CASP8: variants seen among roughly 807,000 people sequenced by gnomAD.
The protein encoded by CASP8 is caspase-8.
In CASP8, 24 loss-of-function variants were observed where a neutral mutation model predicts 46.3. The observed-to-expected ratio is 0.52, with a 90% CI of 0.38 to 0.73. The LOEUF is 0.73. Ranked by LOEUF, CASP8 falls within the 30% of genes least tolerant of loss-of-function variation. The pLI is 0.00. For synonymous variants in CASP8, 188 were observed against 200.4 expected, an observed-to-expected ratio of 0.94 and a Z score of 0.52; for missense variants, 460 against 559.0, an observed-to-expected ratio of 0.82 and a Z score of 1.79.
At chr2:201,257,764 AG>A (rs1947096096), upstream of CASP8, among the ~76,000 whole-genome samples, 1 of 152,132 alleles carries the variant, frequency 6.6e-6, no homozygotes, top group African/African-American at 2.4e-5. Context: ...GAGGGAGGAG[AG>A]GGCTGGTCTG....
chr2:201,244,168 A>T (rs1485561220), intron 2 of CASP8, among the ~76,000 whole-genome samples: 1 of 152,236 alleles, frequency 6.6e-6, no homozygotes, highest in Non-Finnish European at 1.5e-5. Context: ...GATCAAGATC[A>T]CTTCCAGCAT....
At chr2:201,267,793 T>C (rs1171348050) in intron 2 of CASP8, among the ~76,000 whole-genome samples, 1 of 152,216 alleles carries the variant, frequency 6.6e-6, no homozygotes, top group Non-Finnish European at 1.5e-5. Context: ...TGTTGATAAC[T>C]ATGGCATGTG....
chr2:201,262,533 T>C (rs1016983109), intron 1 of CASP8, among the ~76,000 whole-genome samples: 2 of 152,094 alleles, frequency 1.3e-5, no homozygotes, highest in African/African-American at 4.8e-5. Context: ...ATATGTTATA[T>C]ATACATGTGG....
At chr2:201,265,041 C>G (rs1430963378) in intron 1 of CASP8, among the ~76,000 whole-genome samples, 1 of 152,026 alleles carries the variant, frequency 6.6e-6, no homozygotes, top group Non-Finnish European at 1.5e-5. Flanking sequence ...CACAAAAAAA[C>G]CACTGCTGCT....
chr2:201,258,311 C>CT, upstream of CASP8: 2 of 1,614,144 alleles, frequency 1.2e-6, no homozygotes, highest in Non-Finnish European at 1.7e-6. Flanking sequence ...ACCCCCTTCC[C>CT]TGCTGAGCAC....
At chr2:201,269,471 G>T (rs1462879300) in intron 2 of CASP8, 3 of 1,435,394 alleles carry the variant, frequency 2.1e-6, no homozygotes, top group Non-Finnish European at 2.9e-6. Flanking sequence ...AAAGCCGAGG[G>T]GGGTCTCATC....
chr2:201,258,196 C>T, upstream of CASP8: 1 of 1,604,888 alleles, frequency 6.2e-7, no homozygotes, highest in Non-Finnish European at 8.5e-7. Context: ...TCAAGCCCTG[C>T]TGAATTTGCT....
upstream of CASP8, among the ~76,000 whole-genome samples, chr2:201,257,770 G>A (rs1350183947): frequency 2.0e-5 from 3 of 152,158 alleles, no homozygotes; most frequent in East Asian, 5.8e-4. Context: ...GGAGAGGGCT[G>A]GTCTGTGACT....
At chr2:201,271,369 T>C (rs1411852782) in intron 2 of CASP8, 147 bp from the exon 3 acceptor site, 5 of 692,828 alleles carry the variant, frequency 7.2e-6, no homozygotes. Context: ...CACCAGCCTC[T>C]TTCCAAGGGC....
chr2:201,257,272 A>G (rs1947065257), upstream of CASP8, among the ~76,000 whole-genome samples: 1 of 151,758 alleles, frequency 6.6e-6, no homozygotes, highest in Non-Finnish European at 1.5e-5. Context: ...TCTTGAGGTC[A>G]GGAGTTCAAG....
chr2:201,281,623 T>C (rs1949015366), intron 7 of CASP8, among the ~76,000 whole-genome samples: 1 of 151,756 alleles, frequency 6.6e-6, no homozygotes, highest in Admixed American at 6.6e-5. Context: ...TATTTTGCTA[T>C]ACATAAATAA....
chr2:201,269,455 A>G lies in CASP8; in HGVS notation c.306-2061A>G, dbSNP rs35154230. 1,141 of 1,259,998 alleles carry G rather than the reference A, an allele frequency of 9.1e-4. 10 individuals carry two copies. In the African/African-American group the frequency reaches 0.014, roughly 16 times the overall value. The allele number at this position is 1,259,998 out of a possible 1,614,324, so 78.1% of individuals were successfully genotyped here. A position where few individuals can be genotyped will look rare whatever the true frequency, so the allele number is the denominator to read the frequency against. Reference sequence around the variant, plus strand: ...AGTCCTAAAAACCCACAGCCCCAGAACAAGGAAAGCCGAGGGGGGTCTCAT... The same window carrying G: ...AGTCCTAAAAACCCACAGCCCCAGAGCAAGGAAAGCCGAGGGGGGTCTCAT... On this transcript the variant is annotated intron_variant, in intron 2 of 8. Transcript: ENST00000673742.
intron 2 of CASP8, among the ~76,000 whole-genome samples, chr2:201,268,584 TAA>T (rs1456377161): frequency 6.6e-6 from 1 of 152,004 alleles, no homozygotes; most frequent in African/African-American, 2.4e-5. Flanking sequence ...TCTGGGTATA[TAA>T]GTTTCCTAGG....
intron 5 of CASP8, 116 bp downstream of exon 5, chr2:201,273,058 C>CTTT (rs397826156): frequency 1.1e-3 from 625 of 595,180 alleles, no homozygotes; most frequent in Non-Finnish European, 1.3e-3. Flanking sequence ...TCTACTTTTT[C>CTTT]TTTTTTTTTT....
chr2:201,286,434 CA>C (rs1559376832), intron 8 of CASP8, 24 bp from the exon 9 acceptor site: 1 of 1,609,868 alleles, frequency 6.2e-7, no homozygotes, highest in South Asian at 1.1e-5. Context: ...CACAGACAGT[CA>C]CAATATTATG....
intron 2 of CASP8, among the ~76,000 whole-genome samples, chr2:201,255,137 G>A (rs1384826924): frequency 6.6e-6 from 1 of 152,204 alleles, no homozygotes; most frequent in African/African-American, 2.4e-5. Context: ...ACGCTGGAGT[G>A]CAATGGTGTC....
chr2:201,273,061 T>TC (rs1009779096), intron 5 of CASP8, 119 bp downstream of exon 5: 76 of 650,870 alleles, frequency 1.2e-4, no homozygotes, highest in African/African-American at 2.1e-4. Context: ...ACTTTTTCTT[T>TC]TTTTTTTTTT....
At chr2:201,255,917 G>A (rs906430509), upstream of CASP8, among the ~76,000 whole-genome samples, 3 of 152,056 alleles carry the variant, frequency 2.0e-5, no homozygotes, top group African/African-American at 7.3e-5. Context: ...CACCATAACT[G>A]ACTAATTTTT....
intron 2 of CASP8, among the ~76,000 whole-genome samples, chr2:201,255,259 G>A (rs1946962740): frequency 6.6e-6 from 1 of 152,084 alleles, no homozygotes; most frequent in Admixed American, 6.5e-5. Context: ...TGTATTTTTA[G>A]TAGAGATGGG....
Sources: gnomAD v4.1 joint callset for allele counts (sites outside exome capture counted in the v4.1 genomes callset) on GRCh38, gnomAD v4.1.1 for gene constraint, MANE v1.5 for transcripts, NCBI Gene and HGNC (gene_info 2026-07-23, HGNC 2026-07-21) for gene names.